UNC5C: variants seen among roughly 807,000 people sequenced by gnomAD.
UNC5C encodes unc-5 netrin receptor C.
A neutral mutation model predicts 99.8 loss-of-function variants in UNC5C; 47 were observed. That is an observed-to-expected ratio of 0.47 (90% confidence interval 0.37 to 0.60). The LOEUF (loss-of-function observed/expected upper bound fraction) is 0.60. Among genes scored for constraint, UNC5C ranks in the 20% least tolerant of loss-of-function variants. The pLI is 0.00. For missense variants in UNC5C, 1,062 were observed against 1,165.9 expected (o/e 0.91, Z 1.30); for synonymous variants, 487 against 452.2 (o/e 1.08, Z -0.98).
chr4:95,253,629 G>A (rs1002084940), intron 4 of UNC5C, among the ~76,000 whole-genome samples: 3 of 152,140 alleles, frequency 2.0e-5, no homozygotes, highest in Middle Eastern at 3.4e-3. Flanking sequence ...TTGCTTTCAC[G>A]CCTTTGTTTC....
chr4:95,392,444 T>TTA (rs1745390582), intron 1 of UNC5C, among the ~76,000 whole-genome samples: 1 of 147,304 alleles, frequency 6.8e-6, no homozygotes, highest in Non-Finnish European at 1.5e-5. Context: ...TTTTTTTTTT[T>TTA]AAAAAAAAAA....
chr4:95,394,638 G>T (rs1328211513), intron 1 of UNC5C, among the ~76,000 whole-genome samples: 1 of 129,334 alleles, frequency 7.7e-6, no homozygotes, highest in East Asian at 2.2e-4. Context: ...CATCTGCTAT[G>T]AAAAGGTATT....
chr4:95,244,501 C>T (rs1175179176), intron 6 of UNC5C, among the ~76,000 whole-genome samples: 1 of 152,188 alleles, frequency 6.6e-6, no homozygotes, highest in Non-Finnish European at 1.5e-5. Flanking sequence ...AAAAACTTTG[C>T]ATTCCTTATA....
chr4:95,189,177 C>G (rs940889701), intron 12 of UNC5C, among the ~76,000 whole-genome samples: 4 of 152,310 alleles, frequency 2.6e-5, no homozygotes, highest in African/African-American at 7.2e-5. Flanking sequence ...GGAGTTCCCC[C>G]ACCTCAGTGG....
At chr4:95,513,472 G>A (rs1033729966) in intron 1 of UNC5C, among the ~76,000 whole-genome samples, 18 of 152,118 alleles carry the variant, frequency 1.2e-4, no homozygotes, top group African/African-American at 4.3e-4. Context: ...TATTAAGTAT[G>A]ACCTCTACTT....
chr4:95,344,427 C>A (rs1225024396), intron 1 of UNC5C, among the ~76,000 whole-genome samples: 1 of 152,044 alleles, frequency 6.6e-6, no homozygotes, highest in Non-Finnish European at 1.5e-5. Context: ...ACCAGACCTG[C>A]CCTACATGAG....
chr4:95,261,996 C>A (rs989518805), intron 4 of UNC5C, among the ~76,000 whole-genome samples: 23 of 152,194 alleles, frequency 1.5e-4, no homozygotes, highest in Non-Finnish European at 1.5e-5. Context: ...GCCACTGCGC[C>A]CAGTCTGCAT....
chr4:95,189,366 A>G (rs542938277), intron 12 of UNC5C, among the ~76,000 whole-genome samples: 19 of 152,336 alleles, frequency 1.2e-4, no homozygotes, highest in African/African-American at 4.6e-4. Flanking sequence ...AGCTCACTGC[A>G]GCCTCGACCT....
intron 1 of UNC5C, among the ~76,000 whole-genome samples, chr4:95,394,382 T>A (rs1252905894): frequency 2.0e-5 from 3 of 152,166 alleles, no homozygotes; most frequent in Non-Finnish European, 4.4e-5. Context: ...TGCATCTAAT[T>A]GGAAAACTCC....
At chr4:95,263,671 T>C (rs1386246507) in intron 4 of UNC5C, among the ~76,000 whole-genome samples, 4 of 152,234 alleles carry the variant, frequency 2.6e-5, no homozygotes, top group African/African-American at 7.2e-5. Context: ...ACTGAGTCTA[T>C]GCTCTTCAGC....
At chr4:95,250,728 C>G (rs1007867477) in intron 4 of UNC5C, 61 bp from the exon 5 acceptor site, 146 of 1,523,182 alleles carry the variant, frequency 9.6e-5, no homozygotes, top group Non-Finnish European at 1.3e-4. Context: ...GGCTGTCTGT[C>G]CTAACCTGCA....
At chr4:95,182,274 G>A (rs1035764190) in intron 14 of UNC5C, among the ~76,000 whole-genome samples, 2 of 152,150 alleles carry the variant, frequency 1.3e-5, no homozygotes, top group Non-Finnish European at 2.9e-5. Context: ...ATGGCCACAG[G>A]GGGGAAATAC....
At position 95,185,170 on chromosome 4, in the gene UNC5C, C is replaced by T. The variant is rs151009512; in HGVS notation, c.2163G>A (p.Met721Ile). ...LKEILHLERQ[M>I]GGQLLEEPKA... ...TAGGTTCTTCTAGGAGCTGTCCTCC[C>T]ATCTGTCTCTCAAGATGTAAAATTT... The change falls in exon 13 of 16, where the codon ATG (methionine) becomes ATA (isoleucine). Residue 721 changes from methionine (M) to isoleucine (I), a missense_variant. Physicochemically the swap from Met to Ile is conservative, Grantham distance 10 (BLOSUM62 1). Coordinates refer to ENST00000453304, the MANE Select transcript of UNC5C (RefSeq NM_003728.4). The T allele has an allele frequency of 3.1e-4, 506 of 1,612,400 alleles. 1 individual carries two copies. The highest frequency in any genetic ancestry group is 3.8e-4 in the Non-Finnish European group (447 of 1,179,560).
intron 1 of UNC5C, among the ~76,000 whole-genome samples, chr4:95,347,476 CT>C (rs1451007564): frequency 6.6e-6 from 1 of 151,976 alleles, no homozygotes; most frequent in Non-Finnish European, 1.5e-5. Context: ...AAGAACAAAA[CT>C]GAAGGAATCA....
intron 2 of UNC5C, among the ~76,000 whole-genome samples, chr4:95,313,017 T>C (rs1742329435): frequency 6.6e-6 from 1 of 152,118 alleles, no homozygotes; most frequent in Non-Finnish European, 1.5e-5. Flanking sequence ...TATAGTGAAA[T>C]ATTTCAGATG....
intron 1 of UNC5C, among the ~76,000 whole-genome samples, chr4:95,347,567 C>T (rs1743823407): frequency 6.6e-6 from 1 of 151,958 alleles, no homozygotes; most frequent in Non-Finnish European, 1.5e-5. Context: ...GACACACAGA[C>T]TCATGGAACA....
At chr4:95,253,965 T>C (rs1452902069) in intron 4 of UNC5C, among the ~76,000 whole-genome samples, 1 of 152,200 alleles carries the variant, frequency 6.6e-6, no homozygotes, top group Non-Finnish European at 1.5e-5. Flanking sequence ...GTTTTTCTCA[T>C]ACTAAAGTCT....
At chr4:95,373,946 C>T (rs1744817967) in intron 1 of UNC5C, among the ~76,000 whole-genome samples, 1 of 152,136 alleles carries the variant, frequency 6.6e-6, no homozygotes. Context: ...GAGATCTGAT[C>T]TCCAGTTGGC....
intron 1 of UNC5C, among the ~76,000 whole-genome samples, chr4:95,471,530 C>A (rs1043998106): frequency 6.6e-6 from 1 of 152,062 alleles, no homozygotes; most frequent in Non-Finnish European, 1.5e-5. Context: ...TACTTGGACC[C>A]CCCTGACATG....
Sources: gnomAD v4.1 joint callset for allele counts (sites outside exome capture counted in the v4.1 genomes callset) on GRCh38, gnomAD v4.1.1 for gene constraint, MANE v1.5 for transcripts, NCBI Gene and HGNC (gene_info 2026-07-23, HGNC 2026-07-21) for gene names.